Variants in HSD17B2 observed in about 807,000 individuals in gnomAD.
HSD17B2 encodes 17-beta-hydroxysteroid dehydrogenase type 2.
A neutral mutation model predicts 26.9 loss-of-function variants in HSD17B2; 32 were observed. The observed-to-expected ratio is 1.19, with a 90% CI of 0.90 to 1.60. The LOEUF is 1.60. Ranked by LOEUF, HSD17B2 falls within the 40% of genes most tolerant of loss-of-function variation. The pLI is 0.00. For synonymous variants in HSD17B2, 246 were observed against 186.7 expected (o/e 1.32, Z -2.59); for missense variants, 613 against 468.6 (o/e 1.31, Z -2.85).
intron 1 of HSD17B2, 142 bp from the exon 2 acceptor site, chr16:82,068,028 A>G (rs1372959622): frequency 1.4e-6 from 1 of 703,604 alleles, no homozygotes; most frequent in African/African-American, 1.8e-5. Flanking sequence ...CTCTCCACTT[A>G]GAACATAAAG....
intron 1 of HSD17B2, among the ~76,000 whole-genome samples, chr16:82,062,011 G>T: frequency 6.6e-6 from 1 of 152,190 alleles, no homozygotes; most frequent in Non-Finnish European, 1.5e-5. Context: ...TTCACAACGT[G>T]CCCAATTTAA....
intron 1 of HSD17B2, among the ~76,000 whole-genome samples, chr16:82,042,364 A>G (rs1390902674): frequency 3.3e-5 from 5 of 152,178 alleles, no homozygotes; most frequent in Non-Finnish European, 7.4e-5. Flanking sequence ...AAGTGCTGGG[A>G]TGACAGGCGT....
intron 1 of HSD17B2, among the ~76,000 whole-genome samples, chr16:82,053,166 T>G (rs1914159884): frequency 2.0e-5 from 3 of 152,094 alleles, no homozygotes; most frequent in Admixed American, 6.5e-5. Context: ...TGCTAAGAAC[T>G]TTTTTTTCTG....
At chr16:82,059,462 T>C (rs930205090) in intron 1 of HSD17B2, among the ~76,000 whole-genome samples, 1 of 152,234 alleles carries the variant, frequency 6.6e-6, no homozygotes, top group Non-Finnish European at 1.5e-5. Context: ...CAGAAACTGT[T>C]GCCAGTGGAT....
At chr16:82,043,178 C>A (rs1449764304) in intron 1 of HSD17B2, among the ~76,000 whole-genome samples, 1 of 152,206 alleles carries the variant, frequency 6.6e-6, no homozygotes, top group Non-Finnish European at 1.5e-5. Flanking sequence ...TTGGGCCAAG[C>A]TTTTCCCTAG....
chr16:82,061,015 C>T (rs1201982529), intron 1 of HSD17B2, among the ~76,000 whole-genome samples: 1 of 152,124 alleles, frequency 6.6e-6, no homozygotes, highest in African/African-American at 2.4e-5. Context: ...AATCCCAGCA[C>T]TTTGGAAGAC....
In HSD17B2 at chr16:82,098,272, C is replaced by G. The variant is rs1904915283; in HGVS notation, c.1000C>G (p.Pro334Ala). 1.2e-6 allele frequency: 2 copies of G among 1,614,190 alleles called. No homozygotes were observed. The highest frequency in any genetic ancestry group is 2.7e-5 in the African/African-American group (2 of 75,052). Residue 334 changes from proline to alanine, a missense_variant, in exon 5 of 5, where the codon CCT becomes GCT. By Grantham distance (27) the Pro-to-Ala change is conservative (BLOSUM62 -1). Coordinates refer to ENST00000199936, the MANE Select transcript of HSD17B2 (RefSeq NM_002153.3). ...CCAGCATGCTATCTTGGCGAAGAGCCCTTTTGCCTATTACACGCCAGGGAA... is the reference window on the plus strand; with the variant it reads ...CCAGCATGCTATCTTGGCGAAGAGCGCTTTTGCCTATTACACGCCAGGGAA... ...DIQHAILAKS[P>A]FAYYTPGKGA...
At chr16:82,088,376 G>T (rs9939740) in intron 3 of HSD17B2, among the ~76,000 whole-genome samples, 1 of 151,872 alleles carries the variant, frequency 6.6e-6, no homozygotes, top group African/African-American at 2.4e-5. Flanking sequence ...TTTAACTTTC[G>T]CAACGATCCT....
Position 82,071,004 on chromosome 16 carries a change from C to G in HSD17B2, c.541C>G (p.Leu181Val). 6.2e-7 allele frequency: 1 copy of G among 1,614,212 alleles called. No individual in the cohort carries two copies. The highest frequency in any genetic ancestry group is 8.5e-7 in the Non-Finnish European group (1 of 1,180,020). Residue 181 changes from leucine (L) to valine (V), a missense_variant, in exon 3 of 5, where the codon CTT (leucine) becomes GTT (valine). Transcript: ENST00000199936. The stretch of plus-strand genomic sequence containing the variant: ...CTTTCCAACTGATGGGGAGCTTCTT[C>G]TTATGACTGACTACAAACAATGCAT... ...LGFPTDGELL[L>V]MTDYKQCMAV...
At chr16:82,062,170 CAT>C (rs1222900054) in intron 1 of HSD17B2, among the ~76,000 whole-genome samples, 1 of 152,206 alleles carries the variant, frequency 6.6e-6, no homozygotes, top group Non-Finnish European at 1.5e-5. Context: ...CCCTTTTGCA[CAT>C]AAACTGAGTC....
intron 1 of HSD17B2, among the ~76,000 whole-genome samples, chr16:82,062,726 A>G (rs1048798199): frequency 1.3e-5 from 2 of 152,238 alleles, no homozygotes; most frequent in African/African-American, 4.8e-5. Context: ...TAAACATGCA[A>G]TCCATACTTG....
chr16:82,092,359 A>C (rs536795203), intron 4 of HSD17B2: 11 of 152,336 alleles, frequency 7.2e-5, no homozygotes, highest in African/African-American at 2.2e-4. Flanking sequence ...CCCAAGGCTC[A>C]GTCTTCAGTT....
At position 82,064,154 on chromosome 16, in the gene HSD17B2, G is replaced by T. The variant is rs115387314; in HGVS notation, c.266-4016G>T. Among the ~76,000 whole-genome samples, 1,407 of 152,312 alleles carry T rather than the reference G, an allele frequency of 9.2e-3. 15 individuals are homozygous for T. Among genetic ancestry groups the T allele is most frequent in the African/African-American group, 0.032 (1,348 of 41,566 alleles). ...CCAAGGAACTTTCCTAAGAGAGTCA[G>T]ATCCTAGGCTCATGAAGCTGCTCAA... On this transcript the variant is annotated intron_variant, in intron 1 of 4. Coordinates refer to ENST00000199936, the MANE Select transcript of HSD17B2 (RefSeq NM_002153.3).
chr16:82,036,320 T>TTGTGTGTGTGTGTGTGTGTG (rs10609893), intron 1 of HSD17B2, among the ~76,000 whole-genome samples: 1 of 145,782 alleles, frequency 6.9e-6, no homozygotes, highest in Non-Finnish European at 1.5e-5. Flanking sequence ...TTTCCCTTGT[T>TTGTGTGTGTGTGTGTGTGTG]TGTGTGTGTG....
intron 4 of HSD17B2, chr16:82,097,413 C>T (rs1406053481): frequency 2.7e-5 from 4 of 150,480 alleles, no homozygotes; most frequent in Non-Finnish European, 5.9e-5. Flanking sequence ...GATGGGATCT[C>T]GCTATGTTGC....
chr16:82,078,143 T>C (rs1453870174), intron 3 of HSD17B2, among the ~76,000 whole-genome samples: 2 of 152,118 alleles, frequency 1.3e-5, no homozygotes, highest in African/African-American at 4.8e-5. Context: ...TGACAAAGAC[T>C]TAATAACCAG....
intron 1 of HSD17B2, chr16:82,044,625 C>G (rs985184094): frequency 1.3e-5 from 2 of 152,274 alleles, no homozygotes; most frequent in Admixed American, 6.5e-5. Context: ...AGAGAAAAGA[C>G]CTTTGCACCA....
chr16:82,066,089 G>T (rs528802352), intron 1 of HSD17B2, among the ~76,000 whole-genome samples: 2 of 152,260 alleles, frequency 1.3e-5, no homozygotes, highest in South Asian at 4.1e-4. Flanking sequence ...CTCACAAAAT[G>T]GTTATACACA....
At chr16:82,056,779 G>T (rs1027074600) in intron 1 of HSD17B2, among the ~76,000 whole-genome samples, 5 of 152,166 alleles carry the variant, frequency 3.3e-5, no homozygotes, top group Non-Finnish European at 7.3e-5. Flanking sequence ...GTGTTAGACA[G>T]GAAATACAAA....
Sources: gnomAD v4.1 joint callset for allele counts (sites outside exome capture counted in the v4.1 genomes callset) on GRCh38, gnomAD v4.1.1 for gene constraint, MANE v1.5 for transcripts, NCBI Gene and HGNC (gene_info 2026-07-23, HGNC 2026-07-21) for gene names.